NDUFA13: variants seen among roughly 807,000 people sequenced by gnomAD.
NDUFA13 encodes the protein NADH dehydrogenase [ubiquinone] 1 alpha subcomplex subunit 13.
NDUFA13 carries 16 observed loss-of-function variants against 17.0 expected under a neutral mutation model. The ratio of observed to expected loss-of-function variants is 0.94; its 90% CI spans 0.64 to 1.43. NDUFA13 has a LOEUF of 1.43. Among genes scored for constraint, NDUFA13 ranks in the 40% most tolerant of loss-of-function variants. The pLI, the probability that NDUFA13 is intolerant of heterozygous loss-of-function variation, is 0.00. For missense variants in NDUFA13, 228 were observed against 206.7 expected, an observed-to-expected ratio of 1.10 and a Z score of -0.63; for synonymous variants, 87 against 78.4, an observed-to-expected ratio of 1.11 and a Z score of -0.58.
intron 1 of NDUFA13, among the ~76,000 whole-genome samples, chr19:19,517,244 CT>C (rs11399431): frequency 1.1e-3 from 160 of 146,266 alleles, no homozygotes; most frequent in Admixed American, 1.8e-3. Context: ...ACATACATTT[CT>C]TTTTTTTTTT....
intron 2 of NDUFA13, 131 bp from the exon 3 acceptor site, chr19:19,527,150 T>G: frequency 1.2e-6 from 1 of 816,570 alleles, no homozygotes; most frequent in Non-Finnish European, 1.9e-6. Flanking sequence ...ACCCTCGCCC[T>G]GCCCCCTGCC....
intron 1 of NDUFA13, 194 bp from the exon 2 acceptor site, chr19:19,525,988 G>C (rs1233222935): frequency 6.9e-7 from 1 of 1,452,780 alleles, no homozygotes; most frequent in Admixed American, 2.3e-5. Context: ...TAGACCCTCA[G>C]GCCTCCTGAG....
intron 1 of NDUFA13, among the ~76,000 whole-genome samples, chr19:19,525,645 G>A (rs1343156930): frequency 1.3e-5 from 2 of 152,172 alleles, no homozygotes; most frequent in East Asian, 1.9e-4. Context: ...GTCAGGATTA[G>A]AGCAAGGCCC....
intron 1 of NDUFA13, among the ~76,000 whole-genome samples, chr19:19,525,839 G>A (rs1173490751): frequency 6.6e-5 from 10 of 152,138 alleles, no homozygotes; most frequent in South Asian, 4.1e-4. Context: ...GGCAGCACGC[G>A]GAACTGTGGC....
Position 19,526,212 on chromosome 19 carries a change from C to A in NDUFA13, c.125C>A (p.Thr42Asn), listed in dbSNP as rs146785123. 1.4e-4 allele frequency: 218 copies of A among 1,614,162 alleles called. 8 individuals carry two copies. Among genetic ancestry groups the A allele is most frequent in the South Asian group, 1.3e-3 (116 of 91,092 alleles). ...AGCATGCTGGCCATAGGGATTGGAA[C>A]CCTGATCTACGGGCACTGGAGCATA... ...GYSMLAIGIG[T>N]LIYGHWSIMK... The change falls in exon 2 of 5, where the codon ACC becomes AAC. Residue 42 changes from threonine (T) to asparagine (N), a missense_variant. Coordinates refer to ENST00000507754, the MANE Select transcript of NDUFA13 (RefSeq NM_015965.7).
At chr19:19,518,192 T>C (rs1266833374) in intron 1 of NDUFA13, among the ~76,000 whole-genome samples, 1 of 152,038 alleles carries the variant, frequency 6.6e-6, no homozygotes, top group African/African-American at 2.4e-5. Context: ...ATTGGAGGAA[T>C]ATAATGCATT....
chr19:19,519,045 A>ATTTTTTTTTTTTTTTTT lies in NDUFA13; in HGVS notation c.94+2714_94+2730dup, dbSNP rs71170693. Among the ~76,000 whole-genome samples, 196 of 114,840 alleles carry ATTTTTTTTTTTTTTTTT rather than the reference A, an allele frequency of 1.7e-3. 1 individual carries two copies. The highest frequency in any genetic ancestry group is 3.4e-3 in the East Asian group (14 of 4,118). 75.3% of individuals were successfully genotyped at this position (114,840 alleles called of 152,430 possible). On this transcript the variant is annotated intron_variant, in intron 1 of 4. Transcript: ENST00000507754. ...AGGTGTGAGCCACTGGGCCCGGCCT[A>ATTTTTTTTTTTTTTTTT]TTTTTTTTTTTTTTTTTGTATTTTT...
In NDUFA13 at chr19:19,519,971, C is replaced by CTTTTT. The variant is rs397963977; in HGVS notation, c.94+3656_94+3660dup. 1.8e-3 allele frequency among the ~76,000 whole-genome samples: 219 copies of CTTTTT among 120,236 alleles called. 4 individuals are homozygous for CTTTTT. In the East Asian group the frequency reaches 0.033, roughly 18 times the overall value. 78.9% of individuals were successfully genotyped at this position (120,236 alleles called of 152,430 possible). A position where few individuals can be genotyped will look rare whatever the true frequency, so the allele number is the denominator to read the frequency against. On this transcript the variant is annotated intron_variant, in intron 1 of 4. Transcript: ENST00000507754. Reference sequence around the variant, plus strand: ...GCTGGCTCAGGCTGCTTTTTGTTCTCTTTTTTTTTTTTTTTTTTTTTGAGA... The same window carrying CTTTTT: ...GCTGGCTCAGGCTGCTTTTTGTTCTCTTTTTTTTTTTTTTTTTTTTTTTTTTGAGA...
At chr19:19,526,458 C>T (rs1381426332) in intron 2 of NDUFA13, 198 bp downstream of exon 2, 1 of 650,588 alleles carries the variant, frequency 1.5e-6, no homozygotes, top group Non-Finnish European at 2.8e-6. Flanking sequence ...GTCTCCATGT[C>T]TGCAATCCCA....
At chr19:19,519,425 C>G (rs1186764525) in intron 1 of NDUFA13, among the ~76,000 whole-genome samples, 1 of 152,174 alleles carries the variant, frequency 6.6e-6, no homozygotes, top group Non-Finnish European at 1.5e-5. Context: ...AGACAGTGCC[C>G]TAAATACCAC....
intron 1 of NDUFA13, among the ~76,000 whole-genome samples, chr19:19,517,561 T>C (rs775001477): frequency 7.2e-5 from 11 of 152,238 alleles, no homozygotes; most frequent in Non-Finnish European, 1.2e-4. Flanking sequence ...TTACATGTTA[T>C]GCACATTATT....
chr19:19,522,567 C>T (rs2061083027), intron 1 of NDUFA13, among the ~76,000 whole-genome samples: 1 of 142,686 alleles, frequency 7.0e-6, no homozygotes, highest in African/African-American at 2.6e-5. Flanking sequence ...CAAGCTCCGC[C>T]TCCCGGGTTC....
chr19:19,519,399 T>C (rs987892911), intron 1 of NDUFA13, among the ~76,000 whole-genome samples: 3 of 152,156 alleles, frequency 2.0e-5, no homozygotes, highest in East Asian at 1.9e-4. Context: ...CACAGAGCAG[T>C]GGCCCCCCCT....
intron 1 of NDUFA13, among the ~76,000 whole-genome samples, chr19:19,517,195 A>C (rs2061053629): frequency 6.6e-6 from 1 of 152,188 alleles, no homozygotes; most frequent in Non-Finnish European, 1.5e-5. Context: ...CCAGGTTAAC[A>C]GACAAATAGA....
intron 2 of NDUFA13, 107 bp from the exon 3 acceptor site, chr19:19,527,174 C>T (rs1047735537): frequency 1.7e-6 from 2 of 1,171,506 alleles, no homozygotes; most frequent in Non-Finnish European, 1.2e-6. Context: ...CTCCCCGCCC[C>T]CCTCCGCCTC....
chr19:19,525,374 A>G (rs1158458193), intron 1 of NDUFA13, among the ~76,000 whole-genome samples: 1 of 152,222 alleles, frequency 6.6e-6, no homozygotes, highest in Non-Finnish European at 1.5e-5. Flanking sequence ...CCCGGCAGGC[A>G]CAGAGTAGCC....
At chr19:19,520,673 A>AT (rs2061072745) in intron 1 of NDUFA13, among the ~76,000 whole-genome samples, 1 of 152,174 alleles carries the variant, frequency 6.6e-6, no homozygotes, top group Non-Finnish European at 1.5e-5. Context: ...CAATTTATTG[A>AT]TTTTTTAGTA....
intron 1 of NDUFA13, among the ~76,000 whole-genome samples, chr19:19,517,029 C>T (rs892101026): frequency 7.2e-5 from 11 of 152,158 alleles, no homozygotes; most frequent in African/African-American, 2.2e-4. Flanking sequence ...TCGGATGATC[C>T]GCCCACCTCG....
chr19:19,523,525 C>G (rs1363241724), intron 1 of NDUFA13, among the ~76,000 whole-genome samples: 1 of 152,050 alleles, frequency 6.6e-6, no homozygotes, highest in Non-Finnish European at 1.5e-5. Flanking sequence ...GTGGTGCCAT[C>G]TCAGCCCACT....
Sources: allele counts gnomAD v4.1 joint callset (sites outside exome capture counted in the v4.1 genomes callset), GRCh38; gene constraint gnomAD v4.1.1; transcripts MANE v1.5; gene names NCBI Gene and HGNC (gene_info 2026-07-23, HGNC 2026-07-21).